Variants in AKAP13 observed in about 807,000 individuals in gnomAD.
The protein encoded by AKAP13 is A-kinase anchor protein 13.
Under a neutral mutation model 264.5 loss-of-function variants are expected in AKAP13, and 80 were observed. The ratio of observed to expected loss-of-function variants is 0.30; its 90% confidence interval spans 0.25 to 0.36. The LOEUF (loss-of-function observed/expected upper bound fraction) is 0.36, where lower values mean the gene tolerates loss of function less well. Among genes scored for constraint, AKAP13 ranks in the 10% least tolerant of loss-of-function variants. The probability of loss-of-function intolerance (pLI) is 1.00; values close to 1 mark genes in which losing one functional copy is unlikely to be tolerated. For missense variants in AKAP13, 3,712 were observed against 3,435.2 expected (o/e 1.08, Z -2.01); for synonymous variants, 1,380 against 1,250.2 (o/e 1.10, Z -2.19).
chr15:85,484,818 T>G (rs1165632231), intron 1 of AKAP13, among the ~76,000 whole-genome samples: 1 of 152,238 alleles, frequency 6.6e-6, no homozygotes, highest in Non-Finnish European at 1.5e-5. Flanking sequence ...GTTTGTTATT[T>G]TGTCTGTGTT....
chr15:85,633,543 T>C lies in AKAP13; in HGVS notation c.4162-5831T>C, dbSNP rs991322818. 1.6e-3 allele frequency among the ~76,000 whole-genome samples: 208 copies of C among 130,780 alleles called. 1 individual carries two copies. The highest frequency in any genetic ancestry group is 0.011 in the Middle Eastern group (3 of 280). The allele number at this position is 130,780 out of a possible 152,430, so 85.8% of individuals were successfully genotyped here. The stretch of plus-strand genomic sequence containing the variant: ...TGAATGACTTTTTTTTTCTTTTTTT[T>C]TTTTTTTTTTTTTTTTTTGAGACGG... On this transcript the variant is annotated intron_variant, in intron 8 of 36. Transcript: ENST00000394518.
At chr15:85,660,907 C>T (rs936851462) in intron 12 of AKAP13, among the ~76,000 whole-genome samples, 8 of 152,170 alleles carry the variant, frequency 5.3e-5, no homozygotes, top group Non-Finnish European at 1.0e-4. Flanking sequence ...CACCCATTTT[C>T]CTTGTCTCCT....
Position 85,719,277 on chromosome 15 carries a change from G to T in AKAP13, c.6203G>T (p.Ser2068Ile), listed in dbSNP as rs1282632857. 6.2e-7 allele frequency: 1 copy of T among 1,614,158 alleles called. No individual in the cohort carries two copies. Among genetic ancestry groups the T allele is most frequent in the Non-Finnish European group, 8.5e-7 (1 of 1,180,030 alleles). The change falls in exon 23 of 37, where the codon AGT (serine) becomes ATT (isoleucine). Residue 2068 changes from serine (S) to isoleucine (I), a missense_variant. Ser to Ile is a moderately radical substitution (Grantham distance 142). Coordinates refer to ENST00000394518, the MANE Select transcript of AKAP13 (RefSeq NM_007200.5). The part of the protein sequence containing the change: ...ERKKESLVDK[S>I]EKNFLIKRIG... Reference sequence around the variant, plus strand: ...AAGAAGGAGTCTCTGGTGGATAAAAGTGAAAAGAACTTTCTCATCAAGAGG... The same window carrying T: ...AAGAAGGAGTCTCTGGTGGATAAAATTGAAAAGAACTTTCTCATCAAGAGG...
chr15:85,524,407 C>G lies in AKAP13; in HGVS notation c.181+2832C>G, dbSNP rs532827647. 3.9e-5 allele frequency among the ~76,000 whole-genome samples: 6 copies of G among 152,182 alleles called. No individual in the cohort carries two copies. The South Asian group carries it at 8.3e-4, about 21-fold the overall frequency. ...GCCAGGCTGGTCTTGAACTCCTGAC[C>G]TCGTGATCTGCCCACCTCGGCCTCC... On this transcript the variant is annotated intron_variant, in intron 3 of 36. Coordinates refer to ENST00000394518, the MANE Select transcript of AKAP13 (RefSeq NM_007200.5).
At chr15:85,507,270 G>C (rs1038022653) in intron 2 of AKAP13, among the ~76,000 whole-genome samples, 9 of 151,900 alleles carry the variant, frequency 5.9e-5, no homozygotes, top group African/African-American at 2.2e-4. Context: ...TGGTTGGCAA[G>C]CTACAGCCTG....
intron 1 of AKAP13, among the ~76,000 whole-genome samples, chr15:85,422,338 G>A (rs776457857): frequency 1.3e-5 from 2 of 152,174 alleles, no homozygotes; most frequent in Non-Finnish European, 2.9e-5. Flanking sequence ...TGAAGGAGAT[G>A]ATGGTTACAT....
At chr15:85,706,483 G>C (rs2086268522) in intron 17 of AKAP13, among the ~76,000 whole-genome samples, 1 of 152,162 alleles carries the variant, frequency 6.6e-6, no homozygotes, top group African/African-American at 2.4e-5. Context: ...TTTTATAGAT[G>C]AGGAAACGGA....
rs116039213 is a variant in AKAP13 at position 85,575,141 on chromosome 15, G to C, written c.673G>C (p.Gly225Arg). 3.6e-5 allele frequency: 58 copies of C among 1,614,022 alleles called. No homozygotes were observed. In the East Asian group the frequency reaches 1.2e-3, roughly 35 times the overall value. Residue 225 changes from glycine to arginine, a missense_variant, in exon 6 of 37, where the codon GGA becomes CGA. Physicochemically the swap from Gly to Arg is moderately radical, Grantham distance 125 (BLOSUM62 -2). Around this residue, in one of 3 missense-constraint regions of AKAP13, gnomAD observed 2,759 missense variants for 2,411.7 expected, o/e 1.14. Transcript: ENST00000394518. ...GATGCTTGCATGTAGGGAGAATGCT[G>C]GAGAACCAGACTCCTGGAGCAGTTT... ...LHQLLTEENA[G>R]EPDSWSSLSY... is the part of the protein sequence containing the mutation.
intron 17 of AKAP13, among the ~76,000 whole-genome samples, chr15:85,705,518 A>G (rs916086649): frequency 3.9e-5 from 6 of 152,260 alleles, no homozygotes; most frequent in Non-Finnish European, 5.9e-5. Flanking sequence ...AAGTTATCAC[A>G]AGATGCGATA....
At chr15:85,527,303 T>A (rs2077098011) in intron 3 of AKAP13, among the ~76,000 whole-genome samples, 1 of 152,174 alleles carries the variant, frequency 6.6e-6, no homozygotes, top group Non-Finnish European at 1.5e-5. Flanking sequence ...TTCATAACTT[T>A]GGAACCATGA....
chr15:85,741,378 C>A lies in AKAP13; in HGVS notation c.7941C>A (p.Tyr2647Ter). ...REELQQKKGT[Y>*]QYDLERLRAA... The stretch of plus-strand genomic sequence containing the variant: ...AGCTCCAGCAGAAGAAGGGCACATA[C>A]CAGTATGACCTGGAGCGACTGCGTG... The change falls in exon 35 of 37, where the codon TAC becomes TAA. Residue 2647 changes from tyrosine (Y) to a stop codon, truncating the protein, a stop_gained. Coordinates refer to ENST00000394518, the MANE Select transcript of AKAP13 (RefSeq NM_007200.5). LOFTEE classifies it high-confidence loss of function. 6.2e-7 allele frequency: 1 copy of A among 1,614,082 alleles called. No individual in the cohort carries two copies. Among genetic ancestry groups the A allele is most frequent in the Non-Finnish European group, 8.5e-7 (1 of 1,180,036 alleles).
At chr15:85,704,767 GAGAGCTTAAAAATGTATT>G (rs1448252882) in intron 17 of AKAP13, among the ~76,000 whole-genome samples, 1 of 152,240 alleles carries the variant, frequency 6.6e-6, no homozygotes, top group Non-Finnish European at 1.5e-5. Context: ...GTTTGTGGCA[GAGAGCTTAAAAATGTATT>G]AGATTTGTCT....
intron 23 of AKAP13, 136 bp downstream of exon 23, chr15:85,719,462 TG>T: frequency 8.2e-7 from 1 of 1,226,450 alleles, no homozygotes; most frequent in Non-Finnish European, 1.1e-6. Context: ...TTAATTTCTC[TG>T]GAGCCTTGAT....
chr15:85,551,152 T>C (rs905480676), intron 5 of AKAP13, among the ~76,000 whole-genome samples: 3 of 152,236 alleles, frequency 2.0e-5, no homozygotes. Flanking sequence ...TTAATAACTC[T>C]GGTTCTCAGT....
chr15:85,381,038 C>G (rs1390535135), intron 1 of AKAP13, among the ~76,000 whole-genome samples: 1 of 151,510 alleles, frequency 6.6e-6, no homozygotes, highest in Non-Finnish European at 1.5e-5. Context: ...GCTTGGGGCT[C>G]GGCGCGCCTC....
At chr15:85,561,178 C>T (rs2078361449) in intron 5 of AKAP13, among the ~76,000 whole-genome samples, 1 of 151,852 alleles carries the variant, frequency 6.6e-6, no homozygotes, top group Admixed American at 6.6e-5. Context: ...CTGCCTCAGC[C>T]TCCCAAGTAG....
chr15:85,506,465 G>C (rs1016422611), intron 2 of AKAP13, among the ~76,000 whole-genome samples: 1 of 152,146 alleles, frequency 6.6e-6, no homozygotes, highest in Non-Finnish European at 1.5e-5. Flanking sequence ...CAGTTGGGAG[G>C]AAAGGGGAAC....
chr15:85,510,653 A>G (rs1236692218), intron 2 of AKAP13, among the ~76,000 whole-genome samples: 1 of 152,224 alleles, frequency 6.6e-6, no homozygotes, highest in Non-Finnish European at 1.5e-5. Context: ...CCTGATTATC[A>G]CAGATGAACA....
rs1372377831 is a variant in AKAP13 at position 85,727,235 on chromosome 15, C to G, written c.6992C>G (p.Thr2331Arg). The G allele has an allele frequency of 1.2e-6, 2 of 1,614,190 alleles. No homozygotes were observed. The highest frequency in any genetic ancestry group is 1.7e-6 in the Non-Finnish European group (2 of 1,180,026). The change falls in exon 28 of 37, where the codon ACA (threonine) becomes AGA (arginine). Residue 2331 changes from threonine to arginine, a missense_variant. Coordinates refer to ENST00000394518, the MANE Select transcript of AKAP13 (RefSeq NM_007200.5). This position sits in a 1 kb window ranked among gnomAD's most constrained non-coding sequence, Gnocchi z 5.3. ...AGCTGGATTCAGATCATTCAGGACA[C>G]AATCAACACCCTGTAAGTTAACCAC... ...RNSWIQIIQD[T>R]INTLNRDEDE...
Sources: allele counts gnomAD v4.1 joint callset (sites outside exome capture counted in the v4.1 genomes callset), GRCh38; gene constraint gnomAD v4.1.1; regional missense constraint gnomAD v4.1.1; non-coding constraint Gnocchi (gnomAD v3.1); transcripts MANE v1.5; gene names NCBI Gene and HGNC (gene_info 2026-07-23, HGNC 2026-07-21).